F13A1: variants seen among roughly 807,000 people sequenced by gnomAD.
The protein encoded by F13A1 is FSF, A subunit.
A neutral mutation model predicts 80.1 loss-of-function variants in F13A1; 47 were observed. The observed-to-expected ratio is 0.59, with a 90% CI of 0.46 to 0.75. The LOEUF (loss-of-function observed/expected upper bound fraction) is 0.75. F13A1 is among the 30% of genes least tolerant of loss of function. The probability of loss-of-function intolerance (pLI) is 0.00; values close to 1 mark genes in which losing one functional copy is unlikely to be tolerated. For missense variants in F13A1, 817 were observed against 930.4 expected, an observed-to-expected ratio of 0.88 and a Z score of 1.59; for synonymous variants, 349 against 344.9, an observed-to-expected ratio of 1.01 and a Z score of -0.13.
intron 11 of F13A1, among the ~76,000 whole-genome samples, chr6:6,180,721 AAT>A (rs1226522367): frequency 6.6e-6 from 1 of 152,242 alleles, no homozygotes; most frequent in Non-Finnish European, 1.5e-5. Context: ...GCATTTAAAA[AAT>A]ACAGTGAAAA....
rs1002038772 is a variant in F13A1 at position 6,266,911 on chromosome 6, G to A, written c.320-102C>T. The A allele has an allele frequency of 3.3e-6, 5 of 1,503,982 alleles. No homozygotes were observed. The African/African-American group carries it at 6.9e-5, about 21-fold the overall frequency. The allele number at this position is 1,503,982 out of a possible 1,614,324, so 93.2% of individuals were successfully genotyped here. ...CTGAAGGGACAGGAGTAATCCATTA[G>A]AATTATTCTTGACTTGAAGAAACAT... On this transcript the variant is annotated intron_variant, in intron 3 of 14. Transcript: ENST00000264870.
chr6:6,318,488 G>A (rs761171449), intron 2 of F13A1, 47 bp downstream of exon 2: 12 of 1,581,316 alleles, frequency 7.6e-6, no homozygotes, highest in African/African-American at 2.7e-5. Flanking sequence ...GCCAGGGCCC[G>A]GCTGTGCCTG....
At chr6:6,217,156 G>C (rs1274360630) in intron 8 of F13A1, among the ~76,000 whole-genome samples, 1 of 150,516 alleles carries the variant, frequency 6.6e-6, no homozygotes, top group Non-Finnish European at 1.5e-5. Context: ...AATACCATTT[G>C]ACCCAGCCAT....
At chr6:6,301,546 A>G (rs1758431308) in intron 3 of F13A1, among the ~76,000 whole-genome samples, 1 of 152,246 alleles carries the variant, frequency 6.6e-6, no homozygotes, top group Non-Finnish European at 1.5e-5. Context: ...TTTAGAATAC[A>G]TGTTGGTTTA....
chr6:6,174,279 A>G (rs535046872), intron 12 of F13A1, among the ~76,000 whole-genome samples: 2 of 152,194 alleles, frequency 1.3e-5, no homozygotes, highest in East Asian at 3.9e-4. Context: ...AATCCCAGCT[A>G]CTCGGGAGGC....
chr6:6,177,982 G>A (rs536286044), intron 11 of F13A1, among the ~76,000 whole-genome samples: 1 of 147,094 alleles, frequency 6.8e-6, no homozygotes, highest in South Asian at 2.2e-4. Flanking sequence ...ACCAGGTGCC[G>A]AAAAGCCACT....
chr6:6,305,644 G>A, intron 2 of F13A1, 105 bp from the exon 3 acceptor site: 2 of 1,170,372 alleles, frequency 1.7e-6, no homozygotes, highest in South Asian at 2.6e-5. Context: ...AGGTAGCAAG[G>A]TCTGCTGAAT....
rs75802890 is a variant in F13A1 at position 6,179,576 on chromosome 6, C to T, written c.1459+2412G>A. Among the ~76,000 whole-genome samples the T allele has an allele frequency of 5.6e-4, 86 of 152,310 alleles. No homozygotes were observed. In the East Asian group the frequency reaches 0.013, roughly 22 times the overall value. ...CAATGGCGGCCATCAATCCTTCTACCCGCCACATTCAGATGCAGTCTTGGT... is the reference window on the plus strand; with the variant it reads ...CAATGGCGGCCATCAATCCTTCTACTCGCCACATTCAGATGCAGTCTTGGT... On this transcript the variant is annotated intron_variant, in intron 11 of 14. Transcript: ENST00000264870.
intron 9 of F13A1, among the ~76,000 whole-genome samples, chr6:6,196,419 A>G (rs938499528): frequency 1.3e-5 from 2 of 152,192 alleles, no homozygotes; most frequent in African/African-American, 4.8e-5. Flanking sequence ...CCACCTATCT[A>G]TATAGTTAAT....
At chr6:6,165,354 A>G (rs1317649944) in intron 13 of F13A1, among the ~76,000 whole-genome samples, 2 of 152,180 alleles carry the variant, frequency 1.3e-5, no homozygotes, top group Non-Finnish European at 2.9e-5. Flanking sequence ...GATAACTAAC[A>G]AATAATCCTG....
rs1180962762 is a variant in F13A1, at chr6:6,145,717, A to C, written c.2101T>G (p.Ser701Ala). ...QWEEVCRPWV[S>A]GHRKLIASMS... ...CTGGCTATCAGCTTCCGATGCCCAG[A>C]GACCCAGGGCCGGCACACTTCTTCC... The change falls in exon 15 of 15, where the codon TCT becomes GCT. Residue 701 changes from serine to alanine, a missense_variant. Coordinates refer to ENST00000264870, the MANE Select transcript of F13A1 (RefSeq NM_000129.4). 4 of 1,614,012 alleles carry C rather than the reference A, an allele frequency of 2.5e-6. No homozygotes were observed. The highest frequency in any genetic ancestry group is 3.4e-6 in the Non-Finnish European group (4 of 1,180,020).
At chr6:6,183,867 GT>G (rs1394409865) in intron 10 of F13A1, among the ~76,000 whole-genome samples, 2 of 152,172 alleles carry the variant, frequency 1.3e-5, no homozygotes, top group Non-Finnish European at 2.9e-5. Flanking sequence ...GATTAAATTT[GT>G]TCTGCCAATT....
intron 4 of F13A1, among the ~76,000 whole-genome samples, chr6:6,258,627 G>C (rs1256414591): frequency 6.6e-6 from 1 of 151,998 alleles, no homozygotes; most frequent in Non-Finnish European, 1.5e-5. Flanking sequence ...GAGCTCTCTG[G>C]GATCCTTTCT....
intron 3 of F13A1, among the ~76,000 whole-genome samples, chr6:6,281,993 C>CAAAAAA (rs10584369): frequency 1.1e-5 from 1 of 93,394 alleles, no homozygotes; most frequent in Non-Finnish European, 2.1e-5. Context: ...GACTCCGTCT[C>CAAAAAA]AAAAAAAAAA....
In F13A1 at chr6:6,266,780, AG is replaced by A; in HGVS notation, c.348del (p.Tyr117ThrfsTer6). Reference sequence around the variant, plus strand: ...TCTGAGACTATAGGCACTGGGATGTAGGTTCCCTTGTTCTCCTGTGGGTAGC... The same window carrying A: ...TCTGAGACTATAGGCACTGGGATGTAGTTCCCTTGTTCTCCTGTGGGTAGC... The part of the protein sequence containing the change: ...IGRYPQENKG[T>X]YIPVPIVSEL... On this transcript the variant is annotated frameshift_variant, in exon 4 of 15. Transcript: ENST00000264870. LOFTEE classifies it high-confidence loss of function. 6.2e-7 allele frequency: 1 copy of A among 1,614,212 alleles called. No individual in the cohort carries two copies. Among genetic ancestry groups the A allele is most frequent in the Non-Finnish European group, 8.5e-7 (1 of 1,180,038 alleles).
At chr6:6,166,333 C>A (rs973162157) in intron 13 of F13A1, among the ~76,000 whole-genome samples, 2 of 152,226 alleles carry the variant, frequency 1.3e-5, no homozygotes, top group Non-Finnish European at 2.9e-5. Flanking sequence ...TGCTGCACAG[C>A]AGTCATTGGC....
chr6:6,295,442 T>C lies in F13A1; in HGVS notation c.319+9909A>G, dbSNP rs200227876. Among the ~76,000 whole-genome samples the C allele has an allele frequency of 7.8e-4, 115 of 148,262 alleles. No individual in the cohort carries two copies. In the East Asian group the frequency reaches 0.012, roughly 15 times the overall value. Reference sequence around the variant, plus strand: ...ACTTTTTAATGATTGCCATTCTAACTGGTGTGAGATGGCATCTCATTGTGG... The same window carrying C: ...ACTTTTTAATGATTGCCATTCTAACCGGTGTGAGATGGCATCTCATTGTGG... On this transcript the variant is annotated intron_variant, in intron 3 of 14. Coordinates refer to ENST00000264870, the MANE Select transcript of F13A1 (RefSeq NM_000129.4).
chr6:6,178,277 A>G (rs925091876), intron 11 of F13A1, among the ~76,000 whole-genome samples: 1 of 152,146 alleles, frequency 6.6e-6, no homozygotes, highest in African/African-American at 2.4e-5. Context: ...GGAAACTTTT[A>G]TTGGACACTT....
intron 13 of F13A1, among the ~76,000 whole-genome samples, chr6:6,160,701 A>G (rs1467384459): frequency 7.2e-5 from 11 of 152,308 alleles, no homozygotes; most frequent in Non-Finnish European, 1.5e-5. Flanking sequence ...TGGGCACCAA[A>G]TAACTATATG....
Sources: allele counts gnomAD v4.1 joint callset (sites outside exome capture counted in the v4.1 genomes callset), GRCh38; gene constraint gnomAD v4.1.1; transcripts MANE v1.5; gene names NCBI Gene and HGNC (gene_info 2026-07-23, HGNC 2026-07-21).